The following ITGAX variants were observed in gnomAD, a reference collection of about 807,000 sequenced individuals.
The protein encoded by ITGAX is integrin subunit alpha X, also known as integrin alpha-X.
Under a neutral mutation model 140.2 loss-of-function variants are expected in ITGAX, and 99 were observed. That is an observed-to-expected ratio of 0.71 (90% CI 0.60 to 0.83). ITGAX has a LOEUF of 0.83. Among genes scored for constraint, ITGAX ranks in the 40% least tolerant of loss-of-function variants. The pLI is 0.00. For synonymous variants in ITGAX, 631 were observed against 600.4 expected (o/e 1.05, Z -0.75); for missense variants, 1,444 against 1,482.0 (o/e 0.97, Z 0.42).
intron 4 of ITGAX, 64 bp downstream of exon 4, chr16:31,357,165 G>T (rs746049384): frequency 1.3e-6 from 2 of 1,560,482 alleles, no homozygotes; most frequent in East Asian, 2.3e-5. Flanking sequence ...GCCGCGGGGG[G>T]CTGGGAGTCT....
rs148375692 is a variant in ITGAX, at chr16:31,357,051, A to G, written c.268A>G (p.Met90Val). 5.6e-6 allele frequency: 9 copies of G among 1,609,980 alleles called. No homozygotes were observed. The highest frequency in any genetic ancestry group is 1.7e-5 in the Admixed American group (1 of 59,444). ...CACAGTGCCCCCGGAGGCCGTGAAC[A>G]TGTCCCTGGGCCTGTCCCTGGCGTC... ...GLQVPPEAVN[M>V]SLGLSLASTT... The change falls in exon 4 of 30, where the codon ATG (methionine) becomes GTG (valine). Residue 90 changes from methionine to valine, a missense_variant. By Grantham distance (21) the Met-to-Val change is conservative. Coordinates refer to ENST00000268296, the MANE Select transcript of ITGAX (RefSeq NM_000887.5).
chr16:31,373,988 T>A (rs1349454930), intron 20 of ITGAX, among the ~76,000 whole-genome samples: 1 of 152,222 alleles, frequency 6.6e-6, no homozygotes, highest in Non-Finnish European at 1.5e-5. Context: ...CCAGATTTTT[T>A]AAACAAAGAT....
At chr16:31,381,315 G>A (rs1426246857) in intron 29 of ITGAX, among the ~76,000 whole-genome samples, 1 of 152,116 alleles carries the variant, frequency 6.6e-6, no homozygotes, top group African/African-American at 2.4e-5. Flanking sequence ...GGTTCTTTTT[G>A]TCTTTGACCA....
At chr16:31,376,641 A>G (rs1275279276) in intron 20 of ITGAX, among the ~76,000 whole-genome samples, 158 bp from the exon 21 acceptor site, 2 of 152,174 alleles carry the variant, frequency 1.3e-5, no homozygotes, top group Admixed American at 6.5e-5. Context: ...CAAACAAACA[A>G]ACAAAAACAT....
chr16:31,374,072 G>A lies in ITGAX; in HGVS notation c.2508+682G>A, dbSNP rs569004196. Among the ~76,000 whole-genome samples, 27 of 152,168 alleles carry A rather than the reference G, an allele frequency of 1.8e-4. No individual in the cohort carries two copies. The South Asian group carries it at 2.9e-3, about 16-fold the overall frequency. On this transcript the variant is annotated intron_variant, in intron 20 of 29. Transcript: ENST00000268296. ...GGGAGGTTGAGGCAGGCGGATCACC[G>A]GAGGTCAGGAGTTTGAGACCAGCCT...
At chr16:31,380,653 G>A (rs929464488) in intron 28 of ITGAX, 29 bp downstream of exon 28, 2 of 1,613,346 alleles carry the variant, frequency 1.2e-6, no homozygotes, top group African/African-American at 2.7e-5. Context: ...GCAGCGACCA[G>A]GCTGGAAAGA....
rs2081080156 is a variant in ITGAX, at chr16:31,382,628, G to T, written c.*721G>T. 1.5e-6 allele frequency: 1 copy of T among 664,770 alleles called. No homozygotes were observed. Among genetic ancestry groups the T allele is most frequent in the Admixed American group, 2.2e-5 (1 of 46,066 alleles). 41.2% of individuals were successfully genotyped at this position (664,770 alleles called of 1,614,324 possible). A position where few individuals can be genotyped will look rare whatever the true frequency, so the allele number is the denominator to read the frequency against. On this transcript the variant is annotated 3_prime_UTR_variant, in exon 30 of 30. Transcript: ENST00000268296. Reference sequence around the variant, plus strand: ...AGTGTCATGTCAGCATCAGCTCAGGGCTTCATCGTGGGGCTCTCAGTTCCG... The same window carrying T: ...AGTGTCATGTCAGCATCAGCTCAGGTCTTCATCGTGGGGCTCTCAGTTCCG...
chr16:31,361,236 G>A lies in ITGAX; in HGVS notation c.1012+23G>A, dbSNP rs1255035689. The A allele has an allele frequency of 4.4e-6, 7 of 1,590,068 alleles. No homozygotes were observed. In the East Asian group the frequency reaches 6.8e-5, roughly 15 times the overall value. On this transcript the variant is annotated intron_variant, in intron 9 of 29. Coordinates refer to ENST00000268296, the MANE Select transcript of ITGAX (RefSeq NM_000887.5). ...AGGGTGAGTCTGAAGGGAGCTCTTCGCTTGGGGAATCCTCAGCCGTTAACA... is the reference window on the plus strand; with the variant it reads ...AGGGTGAGTCTGAAGGGAGCTCTTCACTTGGGGAATCCTCAGCCGTTAACA...
At chr16:31,375,557 T>C (rs1379602072) in intron 20 of ITGAX, among the ~76,000 whole-genome samples, 1 of 152,256 alleles carries the variant, frequency 6.6e-6, no homozygotes, top group Non-Finnish European at 1.5e-5. Context: ...GGACCTCTTA[T>C]ATGACCTCAA....
chr16:31,360,631 C>T (rs777464943), intron 8 of ITGAX, 168 bp downstream of exon 8: 11 of 630,356 alleles, frequency 1.7e-5, no homozygotes, highest in Non-Finnish European at 2.7e-5. Flanking sequence ...GTGATCCTCC[C>T]ACCCCAGCCT....
At chr16:31,372,325 C>T (rs997643331) in intron 17 of ITGAX, 53 bp from the exon 18 acceptor site, 8 of 1,566,510 alleles carry the variant, frequency 5.1e-6, no homozygotes, top group Middle Eastern at 2.2e-4. Context: ...TGAGGCCGAG[C>T]GCAGCTCTTA....
Position 31,379,642 on chromosome 16 carries a change from A to G in ITGAX, c.2864A>G (p.Tyr955Cys). The part of the protein sequence containing the change: ...EKESHVAMHR[Y>C]QVNNLGQRDL... ...GAAAGCCATGTGGCCATGCACAGAT[A>G]CCAGGCAGGTGGTGGAGACGCAGGA... The change falls in exon 24 of 30, where the codon TAC becomes TGC. Residue 955 changes from tyrosine to cysteine, a missense_variant. Tyr to Cys is a radical substitution (Grantham distance 194). Transcript: ENST00000268296. The G allele has an allele frequency of 6.4e-7, 1 of 1,564,062 alleles. No homozygotes were observed. The highest frequency in any genetic ancestry group is 8.7e-7 in the Non-Finnish European group (1 of 1,153,476).
At position 31,382,289 on chromosome 16, in the gene ITGAX, AGGCTGGAGTGCAATGGCGTGATCTC is replaced by A. The variant is rs2081076826; in HGVS notation, c.*387_*411del. 2 of 924,140 alleles carry A rather than the reference AGGCTGGAGTGCAATGGCGTGATCTC, an allele frequency of 2.2e-6. No homozygotes were observed. The highest frequency in any genetic ancestry group is 2.8e-6 in the Non-Finnish European group (2 of 722,976). The allele number at this position is 924,140 out of a possible 1,614,324, so 57.2% of individuals were successfully genotyped here. The stretch of plus-strand genomic sequence containing the variant: ...GAGACGGAGTCTCGCTCTGTCACCC[AGGCTGGAGTGCAATGGCGTGATCTC>A]GGCTCACTGCAACCTCCGCCTCCCG... On this transcript the variant is annotated 3_prime_UTR_variant, in exon 30 of 30. Transcript: ENST00000268296.
At chr16:31,381,280 G>A (rs1436361759) in intron 29 of ITGAX, among the ~76,000 whole-genome samples, 1 of 152,156 alleles carries the variant, frequency 6.6e-6, no homozygotes, top group Non-Finnish European at 1.5e-5. Context: ...GCACAGACCT[G>A]GGTTTGAATG....
In ITGAX at chr16:31,381,788, C is replaced by T. The variant is rs372641875; in HGVS notation, c.3388-15C>T. 5.7e-5 allele frequency: 50 copies of T among 871,152 alleles called. 1 individual carries two copies. Among genetic ancestry groups the T allele is most frequent in the Middle Eastern group, 2.2e-4 (1 of 4,622 alleles). 54.0% of individuals were successfully genotyped at this position (871,152 alleles called of 1,614,324 possible). On this transcript the variant is annotated splice_polypyrimidine_tract_variant and intron_variant, in intron 29 of 29. Coordinates refer to ENST00000268296, the MANE Select transcript of ITGAX (RefSeq NM_000887.5). ...GAATGGGCTTCCTGAGTTTCTTCTT[C>T]GTCCTCCCCCCTAGGTTGGCTTCTT...
rs371168829 is a variant in ITGAX at position 31,381,818 on chromosome 16, C to T, written c.3403C>T (p.Arg1135Cys). Residue 1135 changes from arginine to cysteine, a missense_variant, in exon 30 of 30, where the codon CGT (arginine) becomes TGT (cysteine). By Grantham distance (180) the Arg-to-Cys change is radical. Transcript: ENST00000268296. The stretch of plus-strand genomic sequence containing the variant: ...TCCCCCCTAGGTTGGCTTCTTCAAG[C>T]GTCAGTACAAGGAAATGATGGAGGA... The part of the protein sequence containing the change: ...AVLYKVGFFK[R>C]QYKEMMEEAN... 6 of 872,814 alleles carry T rather than the reference C, an allele frequency of 6.9e-6. No individual in the cohort carries two copies. The highest frequency in any genetic ancestry group is 1.2e-5 in the Non-Finnish European group (6 of 501,878). The allele number at this position is 872,814 out of a possible 1,614,324, so 54.1% of individuals were successfully genotyped here.
intron 9 of ITGAX, 51 bp from the exon 10 acceptor site, chr16:31,361,785 T>C (rs1415100103): frequency 1.3e-6 from 2 of 1,586,272 alleles, no homozygotes; most frequent in East Asian, 4.5e-5. Context: ...TTCTTGGACC[T>C]GGCAAAGCCC....
Position 31,357,162 on chromosome 16 carries a change from G to A in ITGAX, c.318+61G>A, listed in dbSNP as rs1292339434. ...AGGGAGGGAGGAGCCGGGGCCGCGG[G>A]GGGCTGGGAGTCTCCTGTAGGGTGG... On this transcript the variant is annotated intron_variant, in intron 4 of 29. Transcript: ENST00000268296. The A allele has an allele frequency of 3.8e-6, 6 of 1,562,716 alleles. No individual in the cohort carries two copies. In the African/African-American group the frequency reaches 5.5e-5, roughly 14 times the overall value.
intron 14 of ITGAX, among the ~76,000 whole-genome samples, chr16:31,365,248 C>G (rs1388183936): frequency 6.6e-6 from 1 of 152,064 alleles, no homozygotes; most frequent in African/African-American, 2.4e-5. Flanking sequence ...GGTGTGGAGT[C>G]TCTTTTTGGG....
Sources: allele counts gnomAD v4.1 joint callset (sites outside exome capture counted in the v4.1 genomes callset), GRCh38; gene constraint gnomAD v4.1.1; transcripts MANE v1.5; gene names NCBI Gene and HGNC (gene_info 2026-07-23, HGNC 2026-07-21).